The following ARMC9 variants were observed in gnomAD, a reference collection of about 807,000 sequenced individuals.
The protein encoded by ARMC9 is armadillo repeat containing 9.
ARMC9 carries 94 observed loss-of-function variants against 107.0 expected under a neutral mutation model. The observed-to-expected ratio is 0.88, with a 90% CI of 0.74 to 1.04. ARMC9 has a LOEUF of 1.04. ARMC9 is among the 50% of genes least tolerant of loss of function. The pLI, the probability that ARMC9 is intolerant of heterozygous loss-of-function variation, is 0.00. For missense variants in ARMC9, 942 were observed against 1,030.1 expected (o/e 0.91, Z 1.17); for synonymous variants, 380 against 396.9 (o/e 0.96, Z 0.51).
intron 7 of ARMC9, among the ~76,000 whole-genome samples, chr2:231,234,721 A>G (rs1309862935): frequency 2.6e-5 from 4 of 152,182 alleles, no homozygotes; most frequent in Non-Finnish European, 4.4e-5. Flanking sequence ...CTTGTGCCTC[A>G]GCCTCCTGAG....
chr2:231,366,516 T>A (rs2045822487), intron 23 of ARMC9, among the ~76,000 whole-genome samples: 1 of 151,900 alleles, frequency 6.6e-6, no homozygotes, highest in Admixed American at 6.6e-5. Flanking sequence ...TGGGCAACAT[T>A]AGCAAAACCC....
At chr2:231,304,873 A>G (rs149516629) in intron 19 of ARMC9, among the ~76,000 whole-genome samples, 118 of 152,362 alleles carry the variant, frequency 7.7e-4, no homozygotes, top group African/African-American at 2.7e-3. Flanking sequence ...GACAAATACT[A>G]TTGGTTGTTT....
At chr2:231,300,689 C>G (rs2041667647) in intron 19 of ARMC9, among the ~76,000 whole-genome samples, 1 of 152,226 alleles carries the variant, frequency 6.6e-6, no homozygotes, top group African/African-American at 2.4e-5. Flanking sequence ...TCCAGGTGGT[C>G]TGACTCAGTG....
intron 20 of ARMC9, 94 bp from the exon 21 acceptor site, chr2:231,344,881 T>C: frequency 8.5e-7 from 1 of 1,176,620 alleles, no homozygotes. Flanking sequence ...TTCTTATCAT[T>C]ATAGAGTAGT....
intron 12 of ARMC9, among the ~76,000 whole-genome samples, chr2:231,268,397 G>A (rs776458713): frequency 1.3e-5 from 2 of 152,160 alleles, no homozygotes; most frequent in Non-Finnish European, 2.9e-5. Context: ...TCTTGGGGAC[G>A]ACAGCCTTTG....
chr2:231,324,269 A>G (rs2043178769), intron 19 of ARMC9, among the ~76,000 whole-genome samples: 2 of 151,298 alleles, frequency 1.3e-5, no homozygotes, highest in Admixed American at 1.3e-4. Context: ...CTGGGACTAC[A>G]GGCACACGCC....
chr2:231,279,752 C>G (rs2040061882), intron 16 of ARMC9, among the ~76,000 whole-genome samples: 1 of 151,958 alleles, frequency 6.6e-6, no homozygotes, highest in Non-Finnish European at 1.5e-5. Flanking sequence ...CCTTGTGATT[C>G]ACCCACCTCG....
intron 23 of ARMC9, among the ~76,000 whole-genome samples, chr2:231,366,636 A>T (rs1007015421): frequency 5.9e-5 from 9 of 151,842 alleles, no homozygotes; most frequent in Non-Finnish European, 1.3e-4. Context: ...AGGTCAGGAG[A>T]TCGAGACCAT....
intron 1 of ARMC9, among the ~76,000 whole-genome samples, chr2:231,201,140 G>T (rs573957240): frequency 6.6e-6 from 1 of 152,286 alleles, no homozygotes; most frequent in East Asian, 1.9e-4. Flanking sequence ...GGAGAGGTGG[G>T]TGTCCCCCAG....
In ARMC9 at chr2:231,208,107, GAATTA is replaced by G. The variant is rs1559286579; in HGVS notation, c.52-19_52-15del. The G allele has an allele frequency of 9.2e-7, 1 of 1,085,558 alleles. No individual in the cohort carries two copies. The highest frequency in any genetic ancestry group is 2.6e-5 in the East Asian group (1 of 38,842). The allele number at this position is 1,085,558 out of a possible 1,614,324, so 67.2% of individuals were successfully genotyped here. On this transcript the variant is annotated splice_polypyrimidine_tract_variant and intron_variant, in intron 2 of 24. Transcript: ENST00000611582. Reference sequence around the variant, plus strand: ...TATTTGTTTGTTTTGCTGTTGAATTGAATTATTTATTTTTTATAGTATTTAGATTT... The same window carrying G: ...TATTTGTTTGTTTTGCTGTTGAATTGTTTATTTTTTATAGTATTTAGATTT...
chr2:231,353,980 T>TATACACACACACAC (rs1395992147), intron 21 of ARMC9, among the ~76,000 whole-genome samples: 1 of 135,292 alleles, frequency 7.4e-6, no homozygotes, highest in African/African-American at 3.1e-5. Flanking sequence ...TATGTATATA[T>TATACACACACACAC]ACACACACAC....
At chr2:231,278,509 C>T in intron 16 of ARMC9, 51 bp downstream of exon 16, 1 of 1,553,826 alleles carries the variant, frequency 6.4e-7, no homozygotes, top group Non-Finnish European at 8.9e-7. Flanking sequence ...ACACTGGGGA[C>T]CCAATGCCTG....
chr2:231,239,866 A>G, intron 8 of ARMC9, 77 bp from the exon 9 acceptor site: 2 of 1,251,926 alleles, frequency 1.6e-6, no homozygotes, highest in Non-Finnish European at 1.2e-6. Flanking sequence ...AGACCACTCT[A>G]ACAATTGCCA....
chr2:231,357,433 T>G (rs1320301095), intron 22 of ARMC9, among the ~76,000 whole-genome samples: 1 of 152,188 alleles, frequency 6.6e-6, no homozygotes, highest in Non-Finnish European at 1.5e-5. Flanking sequence ...TCAGCCTGGC[T>G]GGGACCCAGG....
intron 9 of ARMC9, among the ~76,000 whole-genome samples, chr2:231,249,568 G>A (rs1403190194): frequency 1.3e-5 from 2 of 152,044 alleles, no homozygotes; most frequent in Non-Finnish European, 2.9e-5. Context: ...GTCTTCCTGG[G>A]GCTGAGAAGG....
intron 9 of ARMC9, among the ~76,000 whole-genome samples, chr2:231,243,870 C>G (rs1438562728): frequency 1.3e-5 from 2 of 152,118 alleles, no homozygotes; most frequent in African/African-American, 4.8e-5. Context: ...GATGCAATGT[C>G]CAGTGACTGG....
intron 19 of ARMC9, among the ~76,000 whole-genome samples, chr2:231,316,152 GTGTA>G (rs1204027467): frequency 6.6e-5 from 8 of 121,542 alleles, no homozygotes; most frequent in Admixed American, 2.3e-4. Context: ...AGGAACATGT[GTGTA>G]TGTATGTGTG....
chr2:231,199,890 G>T (rs1380568507), intron 1 of ARMC9, among the ~76,000 whole-genome samples: 3 of 152,030 alleles, frequency 2.0e-5, no homozygotes, highest in African/African-American at 7.3e-5. Context: ...TAGAGATGGG[G>T]TTCCACCATG....
intron 21 of ARMC9, among the ~76,000 whole-genome samples, chr2:231,351,496 A>C (rs540191360): frequency 6.6e-6 from 1 of 152,140 alleles, no homozygotes; most frequent in Non-Finnish European, 1.5e-5. Flanking sequence ...AAGAAAATAA[A>C]AATTATTTAT....
Sources: gnomAD v4.1 joint callset for allele counts (sites outside exome capture counted in the v4.1 genomes callset) on GRCh38, gnomAD v4.1.1 for gene constraint, MANE v1.5 for transcripts, NCBI Gene and HGNC (gene_info 2026-07-23, HGNC 2026-07-21) for gene names.